NEBL: variants seen among roughly 807,000 people sequenced by gnomAD.
The protein encoded by NEBL is LIM and SH3 protein 2.
Under a neutral mutation model 140.2 loss-of-function variants are expected in NEBL, and 122 were observed. The ratio of observed to expected loss-of-function variants is 0.87; its 90% CI spans 0.75 to 1.01. NEBL has a LOEUF of 1.01. Ranked by LOEUF, NEBL falls within the 50% of genes least tolerant of loss-of-function variation. The pLI is 0.00. For missense variants in NEBL, 1,365 were observed against 1,231.3 expected, an observed-to-expected ratio of 1.11 and a Z score of -1.62; for synonymous variants, 436 against 398.9, an observed-to-expected ratio of 1.09 and a Z score of -1.11.
At chr10:20,851,782 C>T (rs1842562013) in intron 10 of NEBL, among the ~76,000 whole-genome samples, 1 of 151,948 alleles carries the variant, frequency 6.6e-6, no homozygotes, top group Non-Finnish European at 1.5e-5. Context: ...GAGACTCCAT[C>T]TCAAACAAAA....
At position 20,813,895 on chromosome 10, in the gene NEBL, C is replaced by G. The variant is rs71578962; in HGVS notation, c.2346+44G>C. ...TAATGCCATCCGTGCACTGGATCCGCCCATTCCTTAGCATGTTTTAAGAAT... is the reference window on the plus strand; with the variant it reads ...TAATGCCATCCGTGCACTGGATCCGGCCATTCCTTAGCATGTTTTAAGAAT... On this transcript the variant is annotated intron_variant, in intron 23 of 27. Transcript: ENST00000377122. The G allele has an allele frequency of 3.3e-3, 4,086 of 1,240,796 alleles. 159 individuals carry two copies. The East Asian group carries it at 0.081, about 25-fold the overall frequency. 76.9% of individuals were successfully genotyped at this position (1,240,796 alleles called of 1,614,324 possible). A position where few individuals can be genotyped will look rare whatever the true frequency, so the allele number is the denominator to read the frequency against.
At chr10:21,223,953 T>G (rs976681069) in intron 3 of NEBL, among the ~76,000 whole-genome samples, 1 of 152,214 alleles carries the variant, frequency 6.6e-6, no homozygotes, top group Admixed American at 6.5e-5. Flanking sequence ...GGTGGACAGT[T>G]TGCAAATATT....
chr10:21,287,197 G>A (rs1006914054), intron 1 of NEBL, among the ~76,000 whole-genome samples: 4 of 152,170 alleles, frequency 2.6e-5, no homozygotes, highest in Non-Finnish European at 5.9e-5. Flanking sequence ...AGGAAGTCAT[G>A]AGAACTCCCA....
At chr10:21,090,660 G>A (rs957708541) in intron 2 of NEBL, among the ~76,000 whole-genome samples, 10 of 152,130 alleles carry the variant, frequency 6.6e-5, no homozygotes, top group Non-Finnish European at 1.3e-4. Context: ...TCACTGACCT[G>A]TGTCACACAA....
intron 1 of NEBL, among the ~76,000 whole-genome samples, chr10:21,288,022 G>A (rs1166980406): frequency 1.3e-5 from 2 of 152,158 alleles, no homozygotes; most frequent in Non-Finnish European, 2.9e-5. Flanking sequence ...GAAAAGCAAT[G>A]AATAATGCAA....
Position 21,025,849 on chromosome 10 carries a change from G to C in NEBL, c.165-5648C>G, listed in dbSNP as rs965916156. 2.6e-5 allele frequency among the ~76,000 whole-genome samples: 4 copies of C among 152,086 alleles called. No individual in the cohort carries two copies. In the South Asian group the frequency reaches 8.3e-4, roughly 32 times the overall value. On this transcript the variant is annotated intron_variant, in intron 2 of 6. Coordinates refer to the NEBL transcript ENST00000417816. ...CTTGCTGCAAAATTCACACATGCAA[G>C]TCATTTGAAACCATTTGTGGCTCAT...
intron 14 of NEBL, 28 bp from the exon 15 acceptor site, chr10:20,831,611 G>C (rs1387219726): frequency 1.4e-6 from 2 of 1,427,942 alleles, no homozygotes; most frequent in Non-Finnish European, 2.0e-6. Flanking sequence ...TACAGTTAGT[G>C]CTCTCCAATC....
chr10:21,043,819 T>A lies in NEBL; in HGVS notation c.165-23618A>T, dbSNP rs555161862. Among the ~76,000 whole-genome samples, 7 of 152,348 alleles carry A rather than the reference T, an allele frequency of 4.6e-5. No individual in the cohort carries two copies. The South Asian group carries it at 1.5e-3, about 32-fold the overall frequency. On this transcript the variant is annotated intron_variant, in intron 2 of 6. Coordinates refer to the NEBL transcript ENST00000417816. Reference sequence around the variant, plus strand: ...TTCAACATAGATGCATCAGACTATGTAACCATATGTAAGTTTATGTATTTG... The same window carrying A: ...TTCAACATAGATGCATCAGACTATGAAACCATATGTAAGTTTATGTATTTG...
chr10:21,230,412 T>C (rs1456241277), intron 3 of NEBL, among the ~76,000 whole-genome samples: 1 of 152,080 alleles, frequency 6.6e-6, no homozygotes, highest in African/African-American at 2.4e-5. Flanking sequence ...GAAAGAAAAA[T>C]GTTAGTTTCC....
chr10:20,791,894 T>C (rs1836022939), intron 26 of NEBL, among the ~76,000 whole-genome samples: 1 of 152,156 alleles, frequency 6.6e-6, no homozygotes, highest in Non-Finnish European at 1.5e-5. Flanking sequence ...GTGTTCATGG[T>C]GCTTTGTATG....
At chr10:21,014,374 G>A (rs2131748814) in intron 3 of NEBL, among the ~76,000 whole-genome samples, 1 of 152,244 alleles carries the variant, frequency 6.6e-6, no homozygotes, top group East Asian at 1.9e-4. Flanking sequence ...TTCACTCACT[G>A]CAGGATATCC....
At chr10:20,955,210 A>G (rs1835734989) in intron 4 of NEBL, among the ~76,000 whole-genome samples, 1 of 152,236 alleles carries the variant, frequency 6.6e-6, no homozygotes, top group Non-Finnish European at 1.5e-5. Flanking sequence ...GATATAAAAC[A>G]TAAATGGAAA....
chr10:21,191,242 C>T (rs1564540113), intron 3 of NEBL, among the ~76,000 whole-genome samples: 2 of 152,128 alleles, frequency 1.3e-5, no homozygotes, highest in Non-Finnish European at 2.9e-5. Context: ...TTATGATATG[C>T]CAGCAGTAAT....
chr10:20,963,903 G>C (rs1246220681), intron 3 of NEBL, among the ~76,000 whole-genome samples: 3 of 152,118 alleles, frequency 2.0e-5, no homozygotes, highest in Non-Finnish European at 4.4e-5. Flanking sequence ...TACCCTCTCA[G>C]CACCAGTTCA....
intron 1 of NEBL, among the ~76,000 whole-genome samples, chr10:21,252,446 G>A (rs905858512): frequency 1.3e-5 from 2 of 152,152 alleles, no homozygotes; most frequent in Non-Finnish European, 2.9e-5. Flanking sequence ...GGAAAGCAGG[G>A]AAAAAGCAAA....
intron 11 of NEBL, among the ~76,000 whole-genome samples, chr10:20,846,842 A>G (rs962258565): frequency 2.0e-5 from 3 of 152,232 alleles, no homozygotes; most frequent in Non-Finnish European, 4.4e-5. Context: ...GCCAAAATAT[A>G]TAGCTAGAAA....
chr10:20,953,528 T>TTTG (rs374708982), intron 4 of NEBL, among the ~76,000 whole-genome samples: 4 of 96,626 alleles, frequency 4.1e-5, no homozygotes, highest in Admixed American at 2.1e-4. Context: ...TTTTTTTTTT[T>TTTG]GTAGGCTCTT....
At chr10:21,019,041 C>A (rs929517673) in intron 3 of NEBL, among the ~76,000 whole-genome samples, 1 of 152,102 alleles carries the variant, frequency 6.6e-6, no homozygotes, top group Non-Finnish European at 1.5e-5. Context: ...CCCCTCCCCC[C>A]AGAAAAAGAG....
At chr10:20,847,281 C>A (rs1318687244) in intron 11 of NEBL, among the ~76,000 whole-genome samples, 1 of 152,116 alleles carries the variant, frequency 6.6e-6, no homozygotes, top group Non-Finnish European at 1.5e-5. Flanking sequence ...ATTTCACTCT[C>A]CTCAAGAAAT....
Sources: allele counts gnomAD v4.1 joint callset (sites outside exome capture counted in the v4.1 genomes callset), GRCh38; gene constraint gnomAD v4.1.1; transcripts MANE v1.5; gene names NCBI Gene and HGNC (gene_info 2026-07-23, HGNC 2026-07-21).